KIRREL2: variants seen among roughly 807,000 people sequenced by gnomAD.
KIRREL2 encodes kirre like nephrin family adhesion molecule 2.
A neutral mutation model predicts 73.4 loss-of-function variants in KIRREL2; 56 were observed. The observed-to-expected ratio is 0.76, with a 90% CI of 0.62 to 0.95. The LOEUF is 0.95. KIRREL2 is among the 40% of genes least tolerant of loss of function. KIRREL2 has a pLI of 0.00. For missense variants in KIRREL2, 896 were observed against 935.0 expected, an observed-to-expected ratio of 0.96 and a Z score of 0.54; for synonymous variants, 407 against 404.0, an observed-to-expected ratio of 1.01 and a Z score of -0.09.
At chr19:35,851,515 G>T (rs764300734), upstream of KIRREL2, 11 of 1,613,612 alleles carry the variant, frequency 6.8e-6, no homozygotes, top group African/African-American at 4.0e-5. Context: ...TGGGGTCGGG[G>T]CCCAGGAGCA....
chr19:35,855,219 T>C (rs1368973120), upstream of KIRREL2, among the ~76,000 whole-genome samples: 1 of 151,342 alleles, frequency 6.6e-6, no homozygotes, highest in Non-Finnish European at 1.5e-5. Flanking sequence ...GCTGGGGGAG[T>C]GGCTCTGTCC....
At chr19:35,855,380 G>A (rs1156533370), upstream of KIRREL2, among the ~76,000 whole-genome samples, 2 of 151,884 alleles carry the variant, frequency 1.3e-5, no homozygotes, top group African/African-American at 4.8e-5. Context: ...ATCTTTCCAT[G>A]TCCGTAGCCC....
rs190991165 is a variant in KIRREL2 at position 35,859,057 on chromosome 19, C to T, written c.522+193C>T. ...GTTCAAATTATGTCTCAGCCACTTG[C>T]TAGTTGATTGATCTTGAGTAAGTTA... On this transcript the variant is annotated intron_variant, in intron 4 of 14. Transcript: ENST00000360202. Among the ~76,000 whole-genome samples, 241 of 152,304 alleles carry T rather than the reference C, an allele frequency of 1.6e-3. 2 individuals carry two copies. The highest frequency in any genetic ancestry group is 5.6e-3 in the African/African-American group (231 of 41,558).
intron 13 of KIRREL2, among the ~76,000 whole-genome samples, chr19:35,863,744 G>A (rs1210674395): frequency 6.6e-6 from 1 of 151,676 alleles, no homozygotes; most frequent in Non-Finnish European, 1.5e-5. Flanking sequence ...GAGCCTCCAC[G>A]CCCGGCCTGA....
upstream of KIRREL2, chr19:35,851,914 C>T (rs1353012698): frequency 8.4e-7 from 1 of 1,188,074 alleles, no homozygotes; most frequent in Non-Finnish European, 1.2e-6. Context: ...CTGGGTCCCT[C>T]TCTGTGTGTC....
chr19:35,851,819 G>C (rs202032966), upstream of KIRREL2: 7 of 1,552,310 alleles, frequency 4.5e-6, no homozygotes, highest in East Asian at 1.7e-4. Flanking sequence ...GAAGCCCTGA[G>C]CGTCGTCCCC....
upstream of KIRREL2, among the ~76,000 whole-genome samples, chr19:35,854,353 C>T (rs1373102286): frequency 2.0e-5 from 3 of 151,456 alleles, no homozygotes; most frequent in Non-Finnish European, 2.9e-5. Flanking sequence ...TGGAGTTTCA[C>T]TCTTGTTGCC....
rs779657357 is a variant in KIRREL2 at position 35,858,696 on chromosome 19, C to T, written c.362-8C>T. On this transcript the variant is annotated splice_region_variant and splice_polypyrimidine_tract_variant and intron_variant, in intron 3 of 14. Transcript: ENST00000360202. ...GGATCCATCTCTGACCCCAAATCCA[C>T]CTTGCAGTCCCCCCAGAAGCCCCCC... The T allele has an allele frequency of 6.8e-6, 11 of 1,613,632 alleles. No individual in the cohort carries two copies. The highest frequency in any genetic ancestry group is 1.7e-5 in the Admixed American group (1 of 59,998).
In KIRREL2 at chr19:35,857,189, C is replaced by A. The variant is rs751641018; in HGVS notation, c.61+9C>A. On this transcript the variant is annotated intron_variant, in intron 1 of 14. Transcript: ENST00000360202. ...CTTCAGAGGGAGAGCAGGTACCGCA[C>A]GAGGGGAGCGGAGGAATATGGGGTG... is the stretch of plus-strand genomic sequence containing the variant. 15 of 1,130,560 alleles carry A rather than the reference C, an allele frequency of 1.3e-5. No individual in the cohort carries two copies. The East Asian group carries it at 4.2e-4, about 32-fold the overall frequency. 70.0% of individuals were successfully genotyped at this position (1,130,560 alleles called of 1,614,324 possible). A position where few individuals can be genotyped will look rare whatever the true frequency, so the allele number is the denominator to read the frequency against.
In KIRREL2 at chr19:35,860,287, A is replaced by T; in HGVS notation, c.674-10A>T. ...TCCTTGCCCATCTGACCATTGTCCCACCCTCACAGACCCCCCAGAGGTGAC... is the reference window on the plus strand; with the variant it reads ...TCCTTGCCCATCTGACCATTGTCCCTCCCTCACAGACCCCCCAGAGGTGAC... On this transcript the variant is annotated splice_polypyrimidine_tract_variant and intron_variant, in intron 5 of 14. Coordinates refer to ENST00000360202, the MANE Select transcript of KIRREL2 (RefSeq NM_199180.4). The T allele has an allele frequency of 6.2e-7, 1 of 1,612,216 alleles. No homozygotes were observed. Among genetic ancestry groups the T allele is most frequent in the Non-Finnish European group, 8.5e-7 (1 of 1,178,824 alleles).
At chr19:35,858,202 T>C (rs1324738100) in intron 2 of KIRREL2, among the ~76,000 whole-genome samples, 1 of 152,152 alleles carries the variant, frequency 6.6e-6, no homozygotes, top group Non-Finnish European at 1.5e-5. Flanking sequence ...TTTCTTGCTT[T>C]CCTTCCTGAC....
chr19:35,860,991 G>A lies in KIRREL2; in HGVS notation c.1011G>A (p.Gly337=), dbSNP rs1203476912. ...EDASFSCAWR[G]NPLPRVTWTR... ...CTTCCTTCAGCTGCGCCTGGCGCGG[G>A]AACCCGCTTCCACGGGTAACCTGGA... is the stretch of plus-strand genomic sequence containing the variant. Residue 337 remains glycine (G), a synonymous_variant, in exon 8 of 15, where the codon GGG becomes GGA. Transcript: ENST00000360202. 1 of 1,613,096 alleles carries A rather than the reference G, an allele frequency of 6.2e-7. No homozygotes were observed.
upstream of KIRREL2, among the ~76,000 whole-genome samples, chr19:35,855,077 T>C (rs937254967): frequency 7.2e-5 from 11 of 152,158 alleles, no homozygotes; most frequent in African/African-American, 2.4e-4. Context: ...ATGAGGCATC[T>C]GGCCTCAGCC....
chr19:35,858,742 G>T lies in KIRREL2; in HGVS notation c.400G>T (p.Val134Leu). Residue 134 changes from valine to leucine, a missense_variant, in exon 4 of 15, where the codon GTG (valine) becomes TTG (leucine). Val to Leu is a conservative substitution (Grantham distance 32). Transcript: ENST00000360202. ...EAPQVLGGPS[V>L]SLVAGVPANL... ...CCCCCAGGTGCTGGGCGGCCCCTCT[G>T]TGTCTCTGGTTGCTGGAGTTCCTGC... 6.2e-7 allele frequency: 1 copy of T among 1,614,206 alleles called. No individual in the cohort carries two copies. The highest frequency in any genetic ancestry group is 1.3e-5 in the African/African-American group (1 of 75,054).
chr19:35,851,775 C>T (rs1220106606), upstream of KIRREL2: 1 of 1,553,986 alleles, frequency 6.4e-7, no homozygotes, highest in Non-Finnish European at 8.7e-7. Context: ...TGGGATCCCA[C>T]TCACCTTCAG....
At position 35,859,617 on chromosome 19, in the gene KIRREL2, C is replaced by T. The variant is rs1599860285; in HGVS notation, c.659C>T (p.Thr220Ile). Reference sequence around the variant, plus strand: ...CCCACAGGAAGAGACACAGCTATCACACTGAGCCTGCAGTGTGAGTGCAGC... The same window carrying T: ...CCCACAGGAAGAGACACAGCTATCATACTGAGCCTGCAGTGTGAGTGCAGC... ...ALPTGRDTAI[T>I]LSLQYPPEVT... Residue 220 changes from threonine to isoleucine, a missense_variant, in exon 5 of 15, where the codon ACA becomes ATA. Transcript: ENST00000360202. 5 of 1,613,862 alleles carry T rather than the reference C, an allele frequency of 3.1e-6. No individual in the cohort carries two copies. The highest frequency in any genetic ancestry group is 1.7e-4 in the Middle Eastern group (1 of 5,988).
chr19:35,857,092 G>C lies in KIRREL2; in HGVS notation c.-28G>C. The C allele has an allele frequency of 6.2e-7, 1 of 1,613,664 alleles. No homozygotes were observed. Among genetic ancestry groups the C allele is most frequent in the Non-Finnish European group, 8.5e-7 (1 of 1,179,738 alleles). ...AAGTTGACGGGAAGGCCAGTGCGAC[G>C]GCAAATCTCGTGAACCTTGGGGGAC... On this transcript the variant is annotated 5_prime_UTR_variant, in exon 1 of 15. Transcript: ENST00000360202.
In KIRREL2 at chr19:35,866,423, C is replaced by T. The variant is rs1279352450; in HGVS notation, c.2058C>T (p.Pro686=). The T allele has an allele frequency of 1.2e-6, 2 of 1,607,822 alleles. No homozygotes were observed. Among genetic ancestry groups the T allele is most frequent in the Non-Finnish European group, 1.7e-6 (2 of 1,174,444 alleles). The change falls in exon 15 of 15, where the codon CCC becomes CCT. Residue 686 remains proline, a synonymous_variant. Transcript: ENST00000360202. ...PTSFGPPDLA[P]GTPPFPYAAF... ...CCTTTGGGCCCCCAGATCTGGCCCC[C>T]GGGACTCCCCCCTTCCCATATGCTG...
In KIRREL2 at chr19:35,858,482, G is replaced by A; in HGVS notation, c.286G>A (p.Glu96Lys). The A allele has an allele frequency of 1.2e-6, 2 of 1,614,200 alleles. No individual in the cohort carries two copies. Among genetic ancestry groups the A allele is most frequent in the Non-Finnish European group, 1.7e-6 (2 of 1,180,048 alleles). The change falls in exon 3 of 15, where the codon GAG (glutamate) becomes AAG (lysine). Residue 96 changes from glutamate to lysine, a missense_variant. Transcript: ENST00000360202. ...HDLHIRPVEL[E>K]DEASYECQAT... ...CCTCCACATTAGGCCCGTGGAGCTA[G>A]AGGATGAAGCATCATATGAATGTCA...
Sources: allele counts gnomAD v4.1 joint callset (sites outside exome capture counted in the v4.1 genomes callset), GRCh38; gene constraint gnomAD v4.1.1; transcripts MANE v1.5; gene names NCBI Gene and HGNC (gene_info 2026-07-23, HGNC 2026-07-21).